The following CALN1 variants were observed in gnomAD, a reference collection of about 807,000 sequenced individuals.
The protein encoded by CALN1 is calcium-binding protein 8.
Under a neutral mutation model 30.6 loss-of-function variants are expected in CALN1, and 17 were observed. The observed-to-expected ratio is 0.56, with a 90% CI of 0.38 to 0.83. The LOEUF (loss-of-function observed/expected upper bound fraction) is 0.83. CALN1 is among the 40% of genes least tolerant of loss of function. The probability of loss-of-function intolerance (pLI) is 0.00; values close to 1 mark genes in which losing one functional copy is unlikely to be tolerated. For synonymous variants in CALN1, 156 were observed against 131.4 expected, an observed-to-expected ratio of 1.19 and a Z score of -1.28; for missense variants, 291 against 354.9, an observed-to-expected ratio of 0.82 and a Z score of 1.45.
chr7:72,091,273 G>A (rs1367137255), intron 4 of CALN1, among the ~76,000 whole-genome samples: 1 of 152,194 alleles, frequency 6.6e-6, no homozygotes, highest in East Asian at 1.9e-4. Context: ...AAAGGTAGCA[G>A]TGAGTCAAGA....
intron 3 of CALN1, among the ~76,000 whole-genome samples, chr7:72,245,061 A>C (rs936534985): frequency 3.9e-5 from 6 of 152,206 alleles, no homozygotes; most frequent in Non-Finnish European, 8.8e-5. Flanking sequence ...GCTCCATCCC[A>C]AAACATCGTA....
At position 72,088,772 on chromosome 7, in the gene CALN1, T is replaced by G. The variant is rs369643506; in HGVS notation, c.388+17379A>C. On this transcript the variant is annotated intron_variant, in intron 4 of 6. Coordinates refer to ENST00000395275, the MANE Select transcript of CALN1 (RefSeq NM_031468.4). ...AAGGAAGGAAGAGAAGGAAGAGAAG[T>G]AAGAGAAGGAAGGGAAGGAAGGAAG... is the stretch of plus-strand genomic sequence containing the variant. Among the ~76,000 whole-genome samples the G allele has an allele frequency of 6.1e-4, 35 of 57,252 alleles. No homozygotes were observed. In the South Asian group the frequency reaches 0.014, roughly 23 times the overall value. The allele number at this position is 57,252 out of a possible 152,430, so 37.6% of individuals were successfully genotyped here.
At chr7:71,865,849 T>C (rs1424093741) in intron 5 of CALN1, among the ~76,000 whole-genome samples, 1 of 152,184 alleles carries the variant, frequency 6.6e-6, no homozygotes, top group East Asian at 1.9e-4. Flanking sequence ...TTTTGCAGAA[T>C]AATATTTAAT....
intron 3 of CALN1, among the ~76,000 whole-genome samples, chr7:72,219,090 T>C (rs951803699): frequency 6.6e-6 from 1 of 152,176 alleles, no homozygotes; most frequent in Non-Finnish European, 1.5e-5. Context: ...TGGGAATATG[T>C]ATTCATTAAA....
the CALN1 span, among the ~76,000 whole-genome samples, chr7:72,477,657 A>G: frequency 6.6e-6 from 1 of 152,162 alleles, no homozygotes; most frequent in African/African-American, 2.4e-5. Context: ...CCTAGCTTCA[A>G]GCAATACTCC....
chr7:72,026,892 A>G lies in CALN1; in HGVS notation c.389-3123T>C, dbSNP rs556319358. On this transcript the variant is annotated intron_variant, in intron 4 of 6. Coordinates refer to ENST00000395275, the MANE Select transcript of CALN1 (RefSeq NM_031468.4). ...TTTGACACCTCTGAAAGCTAACTCCACGTGGCTCCACGTCTTGGATAGACA... is the reference window on the plus strand; with the variant it reads ...TTTGACACCTCTGAAAGCTAACTCCGCGTGGCTCCACGTCTTGGATAGACA... 6.8e-5 allele frequency among the ~76,000 whole-genome samples: 10 copies of G among 147,784 alleles called. No individual in the cohort carries two copies. In the South Asian group the frequency reaches 2.2e-3, roughly 33 times the overall value.
At chr7:71,841,294 G>A (rs1242698620) in intron 5 of CALN1, among the ~76,000 whole-genome samples, 3 of 152,208 alleles carry the variant, frequency 2.0e-5, no homozygotes, top group African/African-American at 7.2e-5. Context: ...CTCTGGGACT[G>A]TAAGACCCTC....
intron 4 of CALN1, among the ~76,000 whole-genome samples, chr7:72,062,303 G>A (rs2129537089): frequency 6.6e-6 from 1 of 152,208 alleles, no homozygotes; most frequent in African/African-American, 2.4e-5. Flanking sequence ...TTGAGGTTAG[G>A]AGTTTGAGAC....
At chr7:72,503,678 C>T in the CALN1 span, among the ~76,000 whole-genome samples, 4 of 149,440 alleles carry the variant, frequency 2.7e-5, no homozygotes, top group African/African-American at 1.0e-4. Context: ...TACCAGTAAC[C>T]TTCTCTGAGT....
rs538367461 is a variant in CALN1 at position 72,217,943 on chromosome 7, C to T, written c.244+60743G>A. 5.4e-5 allele frequency among the ~76,000 whole-genome samples: 8 copies of T among 148,688 alleles called. No homozygotes were observed. In the South Asian group the frequency reaches 8.6e-4, roughly 16 times the overall value. On this transcript the variant is annotated intron_variant, in intron 3 of 6. Coordinates refer to ENST00000395275, the MANE Select transcript of CALN1 (RefSeq NM_031468.4). The stretch of plus-strand genomic sequence containing the variant: ...CTGCAAGCTCCACCTCCCAGCTTCA[C>T]GCCATTCTCCTGCCTCAGCCTCCCG...
chr7:72,031,593 A>G (rs1461182903), intron 4 of CALN1, among the ~76,000 whole-genome samples: 1 of 152,086 alleles, frequency 6.6e-6, no homozygotes, highest in East Asian at 1.9e-4. Context: ...TTTGCTAGAG[A>G]CAGGATCTCA....
Position 72,361,509 on chromosome 7 carries a change from AAAAC to A in CALN1, c.119+41738_119+41741del, listed in dbSNP as rs542269336. ...TGACAGAGCAAGACCCTGTCTCTAAAAAACAAACAAACAAAACAAAGAATTCATC... is the reference window on the plus strand; with the variant it reads ...TGACAGAGCAAGACCCTGTCTCTAAAAAACAAACAAAACAAAGAATTCATC... On this transcript the variant is annotated intron_variant, in intron 2 of 6. Transcript: ENST00000395275. Among the ~76,000 whole-genome samples, 82 of 152,310 alleles carry A rather than the reference AAAAC, an allele frequency of 5.4e-4. No homozygotes were observed. The South Asian group carries it at 0.013, about 25-fold the overall frequency.
At chr7:72,002,500 G>C (rs1006551960) in intron 5 of CALN1, among the ~76,000 whole-genome samples, 2 of 152,194 alleles carry the variant, frequency 1.3e-5, no homozygotes, top group South Asian at 2.1e-4. Context: ...TTGAAAAATT[G>C]TAAGTTGAAC....
At chr7:72,104,625 A>T (rs559926069) in intron 4 of CALN1, among the ~76,000 whole-genome samples, 1 of 152,076 alleles carries the variant, frequency 6.6e-6, no homozygotes, top group Non-Finnish European at 1.5e-5. Flanking sequence ...ACTCCCACTT[A>T]TAAGTGAGAA....
intron 5 of CALN1, among the ~76,000 whole-genome samples, chr7:71,939,997 C>T (rs553579325): frequency 2.0e-5 from 3 of 152,290 alleles, no homozygotes; most frequent in South Asian, 4.1e-4. Flanking sequence ...TTTCAGCCAG[C>T]TTATAGAGGC....
At chr7:72,470,920 C>T in the CALN1 span, among the ~76,000 whole-genome samples, 1 of 152,016 alleles carries the variant, frequency 6.6e-6, no homozygotes, top group Admixed American at 6.6e-5. Flanking sequence ...GACAGTTGAC[C>T]CCCACGTGGG....
chr7:72,271,577 T>C (rs1232520), intron 3 of CALN1, among the ~76,000 whole-genome samples: 1 of 35,520 alleles, frequency 2.8e-5, no homozygotes, highest in Non-Finnish European at 4.6e-5. Context: ...AAAAAAAAAA[T>C]ATATATATAT....
intron 1 of CALN1, among the ~76,000 whole-genome samples, chr7:72,440,735 GA>G (rs1454876485): frequency 6.6e-6 from 1 of 152,216 alleles, no homozygotes; most frequent in African/African-American, 2.4e-5. Context: ...GCTGAAACAG[GA>G]GAATTGCTTG....
At position 72,038,666 on chromosome 7, in the gene CALN1, C is replaced by T. The variant is rs376268857; in HGVS notation, c.389-14897G>A. Among the ~76,000 whole-genome samples the T allele has an allele frequency of 1.1e-4, 17 of 152,280 alleles. No homozygotes were observed. The East Asian group carries it at 3.1e-3, about 28-fold the overall frequency. ...CAAGATACAGGTCATAAAGACCTTGCTGATAAAACAGATTGCAGTAAAGAA... is the reference window on the plus strand; with the variant it reads ...CAAGATACAGGTCATAAAGACCTTGTTGATAAAACAGATTGCAGTAAAGAA... On this transcript the variant is annotated intron_variant, in intron 4 of 6. Transcript: ENST00000395275.
Sources: gnomAD v4.1 joint callset for allele counts (sites outside exome capture counted in the v4.1 genomes callset) on GRCh38, gnomAD v4.1.1 for gene constraint, MANE v1.5 for transcripts, NCBI Gene and HGNC (gene_info 2026-07-23, HGNC 2026-07-21) for gene names.